TERF2: variants seen among roughly 807,000 people sequenced by gnomAD.
TERF2 encodes the protein telomeric repeat-binding factor 2.
In TERF2, 16 loss-of-function variants were observed where a neutral mutation model predicts 56.1. The ratio of observed to expected loss-of-function variants is 0.29; its 90% CI spans 0.19 to 0.43. TERF2 has a LOEUF of 0.43. Ranked by LOEUF, TERF2 falls within the 20% of genes least tolerant of loss-of-function variation. The probability of loss-of-function intolerance (pLI) is 1.00; values close to 1 mark genes in which losing one functional copy is unlikely to be tolerated. For synonymous variants in TERF2, 296 were observed against 282.1 expected, an observed-to-expected ratio of 1.05 and a Z score of -0.50; for missense variants, 547 against 712.9, an observed-to-expected ratio of 0.77 and a Z score of 2.65.
At chr16:69,362,241 A>G (rs1414632458) in intron 7 of TERF2, among the ~76,000 whole-genome samples, 4 of 151,546 alleles carry the variant, frequency 2.6e-5, no homozygotes, top group Non-Finnish European at 5.9e-5. Context: ...TCTGCTTGGG[A>G]GTCCCTTCCC....
In TERF2 at chr16:69,356,756, C is replaced by T. The variant is rs9922727; in HGVS notation, c.*142G>A. The stretch of plus-strand genomic sequence containing the variant: ...CGGAGGTCGCAGTGAGCCGAGATCA[C>T]GCCACTGCACTCCAGCCTGGGTGAC... On this transcript the variant is annotated 3_prime_UTR_variant, in exon 10 of 10. Coordinates refer to ENST00000254942, the MANE Select transcript of TERF2 (RefSeq NM_005652.5). The T allele has an allele frequency of 6.1e-3, 5,628 of 915,902 alleles. 229 individuals are homozygous for T. In the African/African-American group the frequency reaches 0.084, roughly 14 times the overall value. 56.7% of individuals were successfully genotyped at this position (915,902 alleles called of 1,614,324 possible).
In TERF2 at chr16:69,384,638, G is replaced by A. The variant is rs765275003; in HGVS notation, c.548C>T (p.Thr183Met). 4 of 1,614,112 alleles carry A rather than the reference G, an allele frequency of 2.5e-6. No individual in the cohort carries two copies. The highest frequency in any genetic ancestry group is 3.4e-6 in the Non-Finnish European group (4 of 1,180,012). Residue 183 changes from threonine (T) to methionine (M), a missense_variant, in exon 3 of 10, where the codon ACG becomes ATG. Thr to Met is a moderately conservative substitution (Grantham distance 81, BLOSUM62 -1). Coordinates refer to ENST00000254942, the MANE Select transcript of TERF2 (RefSeq NM_005652.5). ...SAINVLEMIK[T>M]EFTLTEAVVE... ...CACTGCTTCTGTCAGTGTAAATTCC[G>A]TTTTAATCATCTCCAGCACATTGAT...
chr16:69,376,562 G>A (rs767496958), intron 3 of TERF2, among the ~76,000 whole-genome samples: 16 of 151,920 alleles, frequency 1.1e-4, no homozygotes, highest in Admixed American at 3.3e-4. Flanking sequence ...AAATCCTGCT[G>A]AGGCCAGATA....
chr16:69,366,871 C>T lies in TERF2; in HGVS notation c.1276G>A (p.Ala426Thr), dbSNP rs376057884. 6 of 1,614,140 alleles carry T rather than the reference C, an allele frequency of 3.7e-6. No individual in the cohort carries two copies. The highest frequency in any genetic ancestry group is 1.7e-5 in the Admixed American group (1 of 60,012). ...GTGGGCTTGGATGGTGGCGCTGAAG[C>T]GGCCTCCTGGGAGGAGTTGAGGCCT... ...SAGLNSSQEA[A>T]SAPPSKPTVL... Residue 426 changes from alanine (A) to threonine (T), a missense_variant, in exon 7 of 10, where the codon GCT (alanine) becomes ACT (threonine). Around this residue, in one of 6 missense-constraint regions of TERF2, gnomAD observed 211 missense variants for 236.8 expected, o/e 0.89. Coordinates refer to ENST00000254942, the MANE Select transcript of TERF2 (RefSeq NM_005652.5).
chr16:69,385,560 G>GCGGCCC, intron 1 of TERF2, 33 bp downstream of exon 1: 1 of 1,517,804 alleles, frequency 6.6e-7, no homozygotes, highest in Non-Finnish European at 9.1e-7. Context: ...CTTCCCCGGC[G>GCGGCCC]CTCCAACCCC....
intron 7 of TERF2, among the ~76,000 whole-genome samples, chr16:69,363,676 C>CA (rs1016670301): frequency 3.5e-4 from 53 of 151,928 alleles, no homozygotes; most frequent in African/African-American, 1.1e-3. Context: ...AACAAAAAAA[C>CA]AAAAAAAGAC....
At chr16:69,357,642 C>T (rs1443176533) in intron 8 of TERF2, 81 bp from the exon 9 acceptor site, 6 of 1,525,114 alleles carry the variant, frequency 3.9e-6, no homozygotes, top group Non-Finnish European at 5.3e-6. Context: ...GGAATGTCCC[C>T]AAAGGGAAAA....
chr16:69,367,239 T>G (rs2013387255), intron 6 of TERF2, 40 bp from the exon 7 acceptor site: 1 of 1,551,890 alleles, frequency 6.4e-7, no homozygotes, highest in East Asian at 2.3e-5. Flanking sequence ...TTTTCACCAC[T>G]GATGATGCTC....
chr16:69,359,418 C>G (rs1056503858), intron 8 of TERF2, among the ~76,000 whole-genome samples: 4 of 151,350 alleles, frequency 2.6e-5, no homozygotes, highest in African/African-American at 4.9e-5. Flanking sequence ...GTCCCAACTA[C>G]TCGGGAGGTT....
intron 7 of TERF2, among the ~76,000 whole-genome samples, chr16:69,362,544 G>A (rs1439535515): frequency 2.6e-5 from 4 of 152,168 alleles, no homozygotes; most frequent in African/African-American, 7.2e-5. Context: ...AGAGCCACAA[G>A]GGAGTTATAC....
chr16:69,364,183 T>C (rs941235195), intron 7 of TERF2, among the ~76,000 whole-genome samples: 2 of 152,142 alleles, frequency 1.3e-5, no homozygotes, highest in Non-Finnish European at 2.9e-5. Context: ...CAAGGTGCCG[T>C]GGGAGATACA....
intron 4 of TERF2, among the ~76,000 whole-genome samples, 182 bp from the exon 5 acceptor site, chr16:69,370,811 T>C (rs1567449796): frequency 3.3e-5 from 5 of 152,116 alleles, no homozygotes; most frequent in Admixed American, 3.3e-4. Context: ...TCAGCCACAG[T>C]GGGTTACTAT....
chr16:69,372,021 T>A (rs1356107265), intron 4 of TERF2, among the ~76,000 whole-genome samples: 1 of 152,204 alleles, frequency 6.6e-6, no homozygotes, highest in East Asian at 1.9e-4. Flanking sequence ...AAATCAATGT[T>A]CTGTTATAAA....
rs556945833 is a variant in TERF2, at chr16:69,374,999, G to C, written c.607-2644C>G. ...GAACAAAAAAGCCGTAAGTGTGTAG[G>C]ACTTTTTTTTTAAAGGATGTAGCCT... On this transcript the variant is annotated intron_variant, in intron 3 of 9. Coordinates refer to ENST00000254942, the MANE Select transcript of TERF2 (RefSeq NM_005652.5). Among the ~76,000 whole-genome samples, 384 of 152,242 alleles carry C rather than the reference G, an allele frequency of 2.5e-3. 4 individuals are homozygous for C. Among genetic ancestry groups the C allele is most frequent in the Non-Finnish European group, 3.9e-3 (264 of 68,008 alleles).
intron 3 of TERF2, among the ~76,000 whole-genome samples, chr16:69,374,211 T>A (rs1438136152): frequency 1.3e-5 from 2 of 152,224 alleles, no homozygotes; most frequent in Non-Finnish European, 2.9e-5. Flanking sequence ...CTATTTAACT[T>A]GCATACAACA....
Position 69,357,070 on chromosome 16 carries a change from C to A in TERF2, c.1471-14G>T. 6.2e-7 allele frequency: 1 copy of A among 1,600,586 alleles called. No individual in the cohort carries two copies. Among genetic ancestry groups the A allele is most frequent in the South Asian group, 1.1e-5 (1 of 88,640 alleles). On this transcript the variant is annotated splice_polypyrimidine_tract_variant and intron_variant, in intron 9 of 9. Transcript: ENST00000254942. ...TACAGTCCACTTCTGCAAAAGAAAACCAAAAGATTTATTACCACCTTTCCT... is the reference window on the plus strand; with the variant it reads ...TACAGTCCACTTCTGCAAAAGAAAAACAAAAGATTTATTACCACCTTTCCT...
At chr16:69,359,696 C>T (rs1181403529) in intron 8 of TERF2, among the ~76,000 whole-genome samples, 1 of 111,292 alleles carries the variant, frequency 9.0e-6, no homozygotes, top group Non-Finnish European at 1.7e-5. Context: ...TCTCAGCTCA[C>T]TGCAACCTCC....
At chr16:69,359,454 G>A (rs2013044330) in intron 8 of TERF2, among the ~76,000 whole-genome samples, 1 of 150,858 alleles carries the variant, frequency 6.6e-6, no homozygotes, top group Admixed American at 6.6e-5. Flanking sequence ...CTTGAACCCA[G>A]GAGGTGGAGG....
intron 9 of TERF2, 21 bp downstream of exon 9, chr16:69,357,497 G>A: frequency 6.2e-7 from 1 of 1,606,776 alleles, no homozygotes; most frequent in Non-Finnish European, 8.5e-7. Flanking sequence ...ACCAGTAACA[G>A]AAAAGAGAAT....
Sources: allele counts gnomAD v4.1 joint callset (sites outside exome capture counted in the v4.1 genomes callset), GRCh38; gene constraint gnomAD v4.1.1; regional missense constraint gnomAD v4.1.1; transcripts MANE v1.5; gene names NCBI Gene and HGNC (gene_info 2026-07-23, HGNC 2026-07-21).